ALK: variants seen among roughly 807,000 people sequenced by gnomAD.
The protein encoded by ALK is ALK tyrosine kinase receptor.
ALK carries 74 observed loss-of-function variants against 163.1 expected under a neutral mutation model. The ratio of observed to expected loss-of-function variants is 0.45; its 90% CI spans 0.38 to 0.55. The LOEUF is 0.55. ALK is among the 20% of genes least tolerant of loss of function. The pLI, the probability that ALK is intolerant of heterozygous loss-of-function variation, is 0.00. For synonymous variants in ALK, 960 were observed against 843.2 expected (o/e 1.14, Z -2.40); for missense variants, 2,063 against 2,105.3 (o/e 0.98, Z 0.39).
At chr2:29,557,296 C>T (rs1376317698) in intron 3 of ALK, among the ~76,000 whole-genome samples, 6 of 152,164 alleles carry the variant, frequency 3.9e-5, no homozygotes, top group Non-Finnish European at 8.8e-5. Context: ...AACACTAAGG[C>T]ATATTGAAAG....
At chr2:29,843,948 A>T (rs1294435173) in intron 1 of ALK, among the ~76,000 whole-genome samples, 3 of 152,100 alleles carry the variant, frequency 2.0e-5, no homozygotes, top group Non-Finnish European at 4.4e-5. Flanking sequence ...GGCCTTAATT[A>T]ATTAATCTCA....
intron 3 of ALK, among the ~76,000 whole-genome samples, chr2:29,600,717 G>C (rs1003252540): frequency 1.2e-4 from 18 of 152,180 alleles, no homozygotes; most frequent in African/African-American, 4.3e-4. Context: ...CTTTGTGGGA[G>C]CCAAAGATAG....
intron 23 of ALK, among the ~76,000 whole-genome samples, chr2:29,216,191 T>C (rs1333472134): frequency 1.3e-5 from 2 of 152,122 alleles, no homozygotes; most frequent in Non-Finnish European, 2.9e-5. Flanking sequence ...AGTGCAGCAC[T>C]TCCTCGGACC....
At chr2:29,305,486 G>C (rs1035895750) in intron 8 of ALK, among the ~76,000 whole-genome samples, 1 of 152,190 alleles carries the variant, frequency 6.6e-6, no homozygotes, top group Non-Finnish European at 1.5e-5. Flanking sequence ...ACATTAGACA[G>C]CACTCACTGT....
At chr2:29,452,323 GTTTTTTTTGTTTTTTTTTTT>G (rs1043713320) in intron 4 of ALK, among the ~76,000 whole-genome samples, 1 of 79,496 alleles carries the variant, frequency 1.3e-5, no homozygotes, top group Non-Finnish European at 2.3e-5. Flanking sequence ...TCTCACTCAA[GTTTTTTTTGTTTTTTTTTTT>G]TTTTTTTTCT....
At chr2:29,740,284 C>T (rs1433184955) in intron 1 of ALK, among the ~76,000 whole-genome samples, 4 of 151,174 alleles carry the variant, frequency 2.6e-5, no homozygotes, top group South Asian at 2.1e-4. Flanking sequence ...AGTAGGAGAG[C>T]GGATATTTAT....
intron 3 of ALK, among the ~76,000 whole-genome samples, chr2:29,586,677 A>C (rs1674897858): frequency 6.6e-6 from 1 of 152,214 alleles, no homozygotes; most frequent in African/African-American, 2.4e-5. Flanking sequence ...AGAGAAAGTA[A>C]AGTAGGCGAC....
Position 29,779,647 on chromosome 2 carries a change from G to T in ALK, c.668-61950C>A, listed in dbSNP as rs115361791. Among the ~76,000 whole-genome samples, 735 of 152,258 alleles carry T rather than the reference G, an allele frequency of 4.8e-3. 9 individuals are homozygous for T. Among genetic ancestry groups the T allele is most frequent in the African/African-American group, 0.016 (682 of 41,540 alleles). The stretch of plus-strand genomic sequence containing the variant: ...AAGCTCCCCAAGGAAGCCAGTCTTT[G>T]GTTCTGCAGATAATATATCATGTGC... On this transcript the variant is annotated intron_variant, in intron 1 of 28. Transcript: ENST00000389048.
chr2:29,544,251 G>A (rs1392939927), intron 3 of ALK, among the ~76,000 whole-genome samples: 1 of 152,126 alleles, frequency 6.6e-6, no homozygotes, highest in Non-Finnish European at 1.5e-5. Flanking sequence ...CAACTCCAGA[G>A]TACCTTCCGC....
intron 3 of ALK, among the ~76,000 whole-genome samples, chr2:29,676,024 C>A (rs1289042443): frequency 6.6e-6 from 1 of 151,902 alleles, no homozygotes; most frequent in Non-Finnish European, 1.5e-5. Context: ...TGGCACCTGG[C>A]CTGAATCTTA....
intron 4 of ALK, among the ~76,000 whole-genome samples, chr2:29,511,302 T>C (rs562802159): frequency 1.3e-5 from 2 of 152,154 alleles, no homozygotes; most frequent in African/African-American, 2.4e-5. Context: ...CCTGCCCTGC[T>C]TCCTGGGGAA....
chr2:29,325,149 T>TC, intron 6 of ALK, among the ~76,000 whole-genome samples: 1 of 151,986 alleles, frequency 6.6e-6, no homozygotes, highest in Non-Finnish European at 1.5e-5. Context: ...CATGGCAGGG[T>TC]TTGGTCAACT....
Position 29,786,184 on chromosome 2 carries a change from G to T in ALK, c.668-68487C>A, listed in dbSNP as rs533538008. Among the ~76,000 whole-genome samples the T allele has an allele frequency of 1.7e-3, 266 of 152,054 alleles. 2 individuals carry two copies. The highest frequency in any genetic ancestry group is 3.3e-3 in the Non-Finnish European group (223 of 67,982). On this transcript the variant is annotated intron_variant, in intron 1 of 28. Transcript: ENST00000389048. The stretch of plus-strand genomic sequence containing the variant: ...TCTTGTATTCATTTTCTTTGCCTAG[G>T]TTAGTTTTTTTCTTCCTTTTCCCAT...
chr2:29,849,700 T>G (rs1394846001), intron 1 of ALK, among the ~76,000 whole-genome samples: 1 of 152,196 alleles, frequency 6.6e-6, no homozygotes, highest in African/African-American at 2.4e-5. Flanking sequence ...GCAATCTACC[T>G]TGGCCAGTTT....
At chr2:29,303,825 T>C (rs1204161250) in intron 8 of ALK, among the ~76,000 whole-genome samples, 1 of 152,138 alleles carries the variant, frequency 6.6e-6, no homozygotes, top group East Asian at 1.9e-4. Context: ...GAGTGGGGGC[T>C]AAACAATGAG....
intron 1 of ALK, among the ~76,000 whole-genome samples, chr2:29,838,287 G>A (rs374691445): frequency 3.3e-5 from 5 of 151,954 alleles, no homozygotes; most frequent in African/African-American, 1.2e-4. Flanking sequence ...CAAAAAGTTG[G>A]GTCAGAAAAA....
chr2:29,255,495 GACTTGTACATTA>G (rs1220346620), intron 11 of ALK, among the ~76,000 whole-genome samples: 1 of 152,188 alleles, frequency 6.6e-6, no homozygotes, highest in African/African-American at 2.4e-5. Context: ...TACTCGATGA[GACTTGTACATTA>G]GTCTTCTGCA....
At chr2:29,679,399 C>T (rs1236747451) in intron 3 of ALK, among the ~76,000 whole-genome samples, 2 of 151,282 alleles carry the variant, frequency 1.3e-5, no homozygotes, top group East Asian at 1.9e-4. Flanking sequence ...CCATTTTAAT[C>T]GTTTATTTAT....
At chr2:29,712,415 G>A (rs1355135040) in intron 2 of ALK, among the ~76,000 whole-genome samples, 3 of 152,198 alleles carry the variant, frequency 2.0e-5, no homozygotes, top group Admixed American at 6.5e-5. Context: ...GAAGCTTTCA[G>A]CCCTGACAAC....
Sources: gnomAD v4.1 joint callset for allele counts (sites outside exome capture counted in the v4.1 genomes callset) on GRCh38, gnomAD v4.1.1 for gene constraint, MANE v1.5 for transcripts, NCBI Gene and HGNC (gene_info 2026-07-23, HGNC 2026-07-21) for gene names.